Variants in STARD10 observed in about 807,000 individuals in gnomAD.
STARD10 encodes StAR related lipid transfer domain containing 10, also known as START domain-containing protein 10.
A neutral mutation model predicts 36.0 loss-of-function variants in STARD10; 24 were observed. The observed-to-expected ratio is 0.67, with a 90% CI of 0.48 to 0.94. STARD10 has a LOEUF of 0.94. STARD10 is among the 40% of genes least tolerant of loss of function. STARD10 has a pLI of 0.00. For synonymous variants in STARD10, 156 were observed against 161.9 expected (o/e 0.96, Z 0.28); for missense variants, 335 against 396.6 (o/e 0.84, Z 1.32).
chr11:72,774,928 C>A (rs970195423), intron 2 of STARD10, among the ~76,000 whole-genome samples: 105 of 152,366 alleles, frequency 6.9e-4, no homozygotes, highest in African/African-American at 2.3e-3. Context: ...AGACTCTCGG[C>A]TGGAAACTGA....
chr11:72,765,654 T>A (rs1858777600), intron 2 of STARD10, among the ~76,000 whole-genome samples: 1 of 152,048 alleles, frequency 6.6e-6, no homozygotes, highest in Non-Finnish European at 1.5e-5. Context: ...ATAACGCATG[T>A]AATATGCCTA....
chr11:72,766,488 C>T (rs560098966), intron 2 of STARD10, among the ~76,000 whole-genome samples: 1 of 152,310 alleles, frequency 6.6e-6, no homozygotes, highest in South Asian at 2.1e-4. Context: ...GGATAAGGCC[C>T]TGAGCCACTG....
At chr11:72,787,837 C>A (rs927774238) in intron 1 of STARD10, among the ~76,000 whole-genome samples, 1 of 152,242 alleles carries the variant, frequency 6.6e-6, no homozygotes, top group Admixed American at 6.5e-5. Context: ...GGGACCACAG[C>A]TTCTTTTCTG....
chr11:72,777,487 G>C (rs897658015), intron 2 of STARD10, among the ~76,000 whole-genome samples: 8 of 152,224 alleles, frequency 5.3e-5, no homozygotes, highest in Non-Finnish European at 8.8e-5. Context: ...ACCAATACAG[G>C]TGCCATGAGG....
chr11:72,789,237 A>G (rs775783791), intron 1 of STARD10, among the ~76,000 whole-genome samples: 1 of 152,236 alleles, frequency 6.6e-6, no homozygotes, highest in Non-Finnish European at 1.5e-5. Flanking sequence ...TGCTTAGCAC[A>G]GTGCCTGGCA....
intron 5 of STARD10, among the ~76,000 whole-genome samples, chr11:72,756,482 C>T (rs141204440): frequency 2.6e-5 from 4 of 152,214 alleles, no homozygotes; most frequent in Admixed American, 1.3e-4. Context: ...CAACAGGAGC[C>T]GACTGTTCTA....
intron 2 of STARD10, among the ~76,000 whole-genome samples, chr11:72,772,331 T>C (rs1858872751): frequency 7.8e-6 from 1 of 128,896 alleles, no homozygotes; most frequent in South Asian, 2.7e-4. Flanking sequence ...AGTGCTGCCA[T>C]AGCCACAGTG....
chr11:72,788,302 C>T (rs1251835007), intron 1 of STARD10, among the ~76,000 whole-genome samples: 1 of 152,178 alleles, frequency 6.6e-6, no homozygotes, highest in African/African-American at 2.4e-5. Context: ...GTGAAAGGCA[C>T]CTACTGTGCC....
At chr11:72,785,810 C>T (rs1859064628) in intron 1 of STARD10, 3 of 152,724 alleles carry the variant, frequency 2.0e-5, no homozygotes, top group African/African-American at 7.2e-5. Context: ...CCCACCCCTA[C>T]TCACCATCTA....
At chr11:72,766,732 G>A (rs1297407199) in intron 2 of STARD10, among the ~76,000 whole-genome samples, 2 of 152,178 alleles carry the variant, frequency 1.3e-5, no homozygotes, top group Non-Finnish European at 2.9e-5. Context: ...CAGGGAGATG[G>A]TCGACCTGAG....
chr11:72,775,019 C>T (rs979587054), intron 2 of STARD10, among the ~76,000 whole-genome samples: 2 of 152,194 alleles, frequency 1.3e-5, no homozygotes, highest in African/African-American at 4.8e-5. Context: ...GGGCTGAGGG[C>T]TTCTCTAGTC....
chr11:72,789,590 G>C (rs115157019), intron 1 of STARD10, among the ~76,000 whole-genome samples: 1 of 152,200 alleles, frequency 6.6e-6, no homozygotes, highest in African/African-American at 2.4e-5. Flanking sequence ...GGCACAGGGG[G>C]TCTGGCCATG....
Position 72,754,787 on chromosome 11 carries a change from G to GCCTGGC in STARD10, c.*104_*109dup, listed in dbSNP as rs1435456930. Reference sequence around the variant, plus strand: ...CAGCCAGGCTGCAGCACCCGCCTGGGCCTGGCCCGGTGCCACCAGGTGCCG... The same window carrying GCCTGGC: ...CAGCCAGGCTGCAGCACCCGCCTGGGCCTGGCCCTGGCCCGGTGCCACCAGGTGCCG... On this transcript the variant is annotated 3_prime_UTR_variant, in exon 7 of 7. Transcript: ENST00000334805. 6.8e-7 allele frequency: 1 copy of GCCTGGC among 1,478,946 alleles called. No homozygotes were observed. Among genetic ancestry groups the GCCTGGC allele is most frequent in the Non-Finnish European group, 9.1e-7 (1 of 1,099,976 alleles). The allele number at this position is 1,478,946 out of a possible 1,614,324, so 91.6% of individuals were successfully genotyped here.
At chr11:72,788,841 G>T (rs1028169573) in intron 1 of STARD10, among the ~76,000 whole-genome samples, 2 of 152,130 alleles carry the variant, frequency 1.3e-5, no homozygotes, top group African/African-American at 4.8e-5. Context: ...GATTACAGGC[G>T]TGAGCCCCTG....
Position 72,781,413 on chromosome 11 carries a change from G to A in STARD10, c.-113-119C>T, listed in dbSNP as rs1037328840. 7 of 557,472 alleles carry A rather than the reference G, an allele frequency of 1.3e-5. No homozygotes were observed. Among genetic ancestry groups the A allele is most frequent in the Middle Eastern group, 4.8e-4 (1 of 2,072 alleles). 34.5% of individuals were successfully genotyped at this position (557,472 alleles called of 1,614,324 possible). Reference sequence around the variant, plus strand: ...GGGCTGGCCCCAGGGAAGGGCGGACGGGCGCTGGACAGCCTCGGGGTCCCC... The same window carrying A: ...GGGCTGGCCCCAGGGAAGGGCGGACAGGCGCTGGACAGCCTCGGGGTCCCC... On this transcript the variant is annotated intron_variant, in intron 1 of 6. Coordinates refer to ENST00000334805, the MANE Select transcript of STARD10 (RefSeq NM_006645.3). The surrounding 1 kb of genome is among the most constrained non-coding windows in gnomAD (Gnocchi z 4.7).
At chr11:72,773,129 T>C (rs938999481) in intron 2 of STARD10, among the ~76,000 whole-genome samples, 1 of 152,112 alleles carries the variant, frequency 6.6e-6, no homozygotes, top group African/African-American at 2.4e-5. Flanking sequence ...AGTATAAATA[T>C]TAAGGACAGA....
intron 2 of STARD10, among the ~76,000 whole-genome samples, chr11:72,768,129 T>C (rs912988297): frequency 6.6e-6 from 1 of 152,086 alleles, no homozygotes; most frequent in Non-Finnish European, 1.5e-5. Context: ...AGATGGCCCC[T>C]CTACCCTCAC....
chr11:72,784,166 T>C (rs1234821595), intron 1 of STARD10, among the ~76,000 whole-genome samples: 2 of 152,168 alleles, frequency 1.3e-5, no homozygotes, highest in East Asian at 3.9e-4. Context: ...ACAAAGCCCA[T>C]TCATATCCTT....
chr11:72,773,766 T>C (rs1224078559), intron 2 of STARD10, among the ~76,000 whole-genome samples: 1 of 152,196 alleles, frequency 6.6e-6, no homozygotes, highest in Non-Finnish European at 1.5e-5. Context: ...TATCACGTTA[T>C]CTCGTCCTTA....
Sources: gnomAD v4.1 joint callset for allele counts (sites outside exome capture counted in the v4.1 genomes callset) on GRCh38, gnomAD v4.1.1 for gene constraint, Gnocchi (gnomAD v3.1) non-coding constraint, MANE v1.5 for transcripts, NCBI Gene and HGNC (gene_info 2026-07-23, HGNC 2026-07-21) for gene names.